The following KLRG1 variants were observed in gnomAD, a reference collection of about 807,000 sequenced individuals.
KLRG1 encodes killer cell lectin like receptor G1.
A neutral mutation model predicts 21.8 loss-of-function variants in KLRG1; 16 were observed. The ratio of observed to expected loss-of-function variants is 0.73; its 90% confidence interval spans 0.50 to 1.11. The LOEUF (loss-of-function observed/expected upper bound fraction) is 1.11. KLRG1 is among the 50% of genes most tolerant of loss of function. The probability of loss-of-function intolerance (pLI) is 0.00; values close to 1 mark genes in which losing one functional copy is unlikely to be tolerated. For synonymous variants in KLRG1, 69 were observed against 75.9 expected, an observed-to-expected ratio of 0.91 and a Z score of 0.47; for missense variants, 173 against 218.3, an observed-to-expected ratio of 0.79 and a Z score of 1.31.
chr12:9,106,248 G>A, the KLRG1 span: 1 of 1,609,016 alleles, frequency 6.2e-7, no homozygotes, highest in Non-Finnish European at 8.5e-7. Flanking sequence ...GCCCAAAGAA[G>A]GGAATTCCCT....
At chr12:9,002,374 C>G (rs933424034) in intron 3 of KLRG1, among the ~76,000 whole-genome samples, 2 of 151,704 alleles carry the variant, frequency 1.3e-5, no homozygotes, top group Admixed American at 1.3e-4. Flanking sequence ...ACTAAAAAAG[C>G]AAAAAAGGAA....
the KLRG1 span, among the ~76,000 whole-genome samples, chr12:9,148,309 A>G: frequency 6.6e-6 from 1 of 152,160 alleles, no homozygotes; most frequent in Non-Finnish European, 1.5e-5. Context: ...TATTAAAATA[A>G]TCTATAGGAT....
At chr12:9,077,442 C>G in the KLRG1 span, 3 of 1,598,992 alleles carry the variant, frequency 1.9e-6, no homozygotes, top group African/African-American at 2.7e-5. Context: ...AGAGAGAGAT[C>G]TGAATAATTC....
the KLRG1 span, chr12:9,080,155 T>A: frequency 1.3e-6 from 2 of 1,586,598 alleles, no homozygotes; most frequent in Non-Finnish European, 1.7e-6. Context: ...GTTTCAGGGA[T>A]AATTCTTCAG....
the KLRG1 span, chr12:9,110,260 T>C: frequency 1.5e-6 from 2 of 1,360,672 alleles, no homozygotes; most frequent in Non-Finnish European, 2.0e-6. Flanking sequence ...AATAAGAACA[T>C]TTTCCCTATA....
the KLRG1 span, chr12:9,077,658 A>G: frequency 6.2e-7 from 1 of 1,603,242 alleles, no homozygotes; most frequent in African/African-American, 1.3e-5. Flanking sequence ...ATCCTTGCAG[A>G]TATCATAATG....
the KLRG1 span, chr12:9,080,371 T>C: frequency 2.5e-6 from 1 of 393,362 alleles, no homozygotes; most frequent in Non-Finnish European, 4.5e-6. Flanking sequence ...TCAGAATTTC[T>C]TCTTCAATGA....
the KLRG1 span, chr12:9,200,450 T>C: frequency 1.3e-6 from 2 of 1,595,610 alleles, no homozygotes; most frequent in East Asian, 4.5e-5. Context: ...TGGGAAGCAC[T>C]GTTAATAGAG....
At chr12:9,197,983 T>A in the KLRG1 span, among the ~76,000 whole-genome samples, 1 of 134,218 alleles carries the variant, frequency 7.5e-6, no homozygotes. Flanking sequence ...TAATATATAT[T>A]ATATATATAT....
intron 3 of KLRG1, 35 bp downstream of exon 3, chr12:8,995,323 GTTTTGT>G (rs770791557): frequency 2.0e-4 from 309 of 1,572,844 alleles, no homozygotes; most frequent in Non-Finnish European, 2.4e-4. Flanking sequence ...TAGGGTTTTT[GTTTTGT>G]TTTTGTTTTT....
chr12:9,050,799 T>C, the KLRG1 span, among the ~76,000 whole-genome samples: 2 of 152,184 alleles, frequency 1.3e-5, no homozygotes, highest in Non-Finnish European at 2.9e-5. Context: ...GACCTGGGCA[T>C]CTCTGCAGTG....
the KLRG1 span, among the ~76,000 whole-genome samples, chr12:9,158,912 T>C: frequency 2.0e-5 from 3 of 152,144 alleles, no homozygotes; most frequent in Non-Finnish European, 4.4e-5. Context: ...GTGGGCTCTA[T>C]GAATTTATTT....
At chr12:8,971,555 AC>A (rs1209374079) in intron 1 of KLRG1, among the ~76,000 whole-genome samples, 5 of 150,630 alleles carry the variant, frequency 3.3e-5, no homozygotes, top group Non-Finnish European at 1.5e-5. Context: ...GCTCACTGCA[AC>A]CCCCCCACCA....
At chr12:8,960,476 A>G (rs1231525708) in intron 1 of KLRG1, among the ~76,000 whole-genome samples, 3 of 152,192 alleles carry the variant, frequency 2.0e-5, no homozygotes, top group East Asian at 3.9e-4. Context: ...GAGTGGAAAG[A>G]TGTTCTTAAT....
the KLRG1 span, among the ~76,000 whole-genome samples, chr12:9,125,440 AT>A: frequency 6.6e-6 from 1 of 152,312 alleles, no homozygotes; most frequent in African/African-American, 2.4e-5. Flanking sequence ...GCACTAGGTA[AT>A]ACCTTGAGTT....
chr12:9,097,161 T>C, the KLRG1 span, among the ~76,000 whole-genome samples: 1 of 152,200 alleles, frequency 6.6e-6, no homozygotes, highest in African/African-American at 2.4e-5. Flanking sequence ...AAAACATGTA[T>C]ATTATTTTCC....
the KLRG1 span, chr12:9,107,584 A>G: frequency 1.9e-6 from 3 of 1,613,912 alleles, no homozygotes; most frequent in Non-Finnish European, 2.5e-6. Context: ...CGGAAGCGTC[A>G]CTATACTTTC....
the KLRG1 span, among the ~76,000 whole-genome samples, chr12:9,061,073 A>C: frequency 6.6e-6 from 1 of 152,148 alleles, no homozygotes; most frequent in Non-Finnish European, 1.5e-5. Flanking sequence ...TTTTGTATTT[A>C]TAACCAGAGT....
chr12:8,961,559 C>T (rs1017701184), intron 1 of KLRG1, among the ~76,000 whole-genome samples: 2 of 151,596 alleles, frequency 1.3e-5, no homozygotes, highest in East Asian at 1.9e-4. Flanking sequence ...GTTACAGGCA[C>T]CCACCACCAT....
Sources: gnomAD v4.1 joint callset for allele counts (sites outside exome capture counted in the v4.1 genomes callset) on GRCh38, gnomAD v4.1.1 for gene constraint, MANE v1.5 for transcripts, NCBI Gene and HGNC (gene_info 2026-07-23, HGNC 2026-07-21) for gene names.